The following ANKRD6 variants were observed in gnomAD, a reference collection of about 807,000 sequenced individuals.
ANKRD6 encodes the protein ankyrin repeat domain 6.
ANKRD6 carries 56 observed loss-of-function variants against 82.3 expected under a neutral mutation model. The observed-to-expected ratio is 0.68, with a 90% CI of 0.55 to 0.85. ANKRD6 has a LOEUF of 0.85. Among genes scored for constraint, ANKRD6 ranks in the 40% least tolerant of loss-of-function variants. The pLI, the probability that ANKRD6 is intolerant of heterozygous loss-of-function variation, is 0.00. For missense variants in ANKRD6, 852 were observed against 907.6 expected, an observed-to-expected ratio of 0.94 and a Z score of 0.79; for synonymous variants, 347 against 352.1, an observed-to-expected ratio of 0.99 and a Z score of 0.16.
chr6:89,522,019 G>A (rs1052176153), intron 1 of ANKRD6, among the ~76,000 whole-genome samples: 7 of 152,090 alleles, frequency 4.6e-5, no homozygotes, highest in African/African-American at 1.7e-4. Flanking sequence ...GGCCTATGTT[G>A]ACAGTTGAAA....
chr6:89,466,065 A>T (rs1264243298), intron 1 of ANKRD6, among the ~76,000 whole-genome samples: 2 of 152,040 alleles, frequency 1.3e-5, no homozygotes, highest in African/African-American at 2.4e-5. Flanking sequence ...TTTCTTGTAT[A>T]TTTTTTTGTA....
At chr6:89,471,785 G>T (rs1393538372) in intron 1 of ANKRD6, among the ~76,000 whole-genome samples, 2 of 151,680 alleles carry the variant, frequency 1.3e-5, no homozygotes, top group Non-Finnish European at 2.9e-5. Flanking sequence ...TTGTAGTGGG[G>T]TGGCCGAAGG....
At chr6:89,589,387 T>C (rs1343725152) in intron 2 of ANKRD6, among the ~76,000 whole-genome samples, 3 of 152,166 alleles carry the variant, frequency 2.0e-5, no homozygotes, top group Non-Finnish European at 1.5e-5. Context: ...TTTTCTGACA[T>C]AACGCCTTGG....
At chr6:89,627,401 A>G (rs1806078223) in intron 13 of ANKRD6, among the ~76,000 whole-genome samples, 182 bp from the exon 14 acceptor site, 1 of 152,222 alleles carries the variant, frequency 6.6e-6, no homozygotes, top group South Asian at 2.1e-4. Context: ...GCCTCATAGA[A>G]ACATGCTCAA....
chr6:89,548,304 G>T (rs1427360458), intron 1 of ANKRD6, among the ~76,000 whole-genome samples: 1 of 152,070 alleles, frequency 6.6e-6, no homozygotes, highest in African/African-American at 2.4e-5. Flanking sequence ...TTTGTATCTG[G>T]CTTCTTTTAC....
intron 3 of ANKRD6, chr6:89,601,600 A>G (rs1797176628): frequency 6.6e-6 from 1 of 152,228 alleles, no homozygotes; most frequent in African/African-American, 2.4e-5. Flanking sequence ...TAAGAAAGCA[A>G]TTTTGAGTTT....
chr6:89,540,072 T>G (rs1443504569), intron 1 of ANKRD6, among the ~76,000 whole-genome samples: 1 of 152,184 alleles, frequency 6.6e-6, no homozygotes, highest in African/African-American at 2.4e-5. Flanking sequence ...TTAGCTATTA[T>G]AAACAGTGCT....
chr6:89,498,995 C>A (rs1369448481), intron 1 of ANKRD6, among the ~76,000 whole-genome samples: 2 of 152,134 alleles, frequency 1.3e-5, no homozygotes, highest in South Asian at 2.1e-4. Context: ...CTGGAAATCT[C>A]AATGTTCAAT....
chr6:89,552,835 A>G (rs1026115360), intron 1 of ANKRD6, among the ~76,000 whole-genome samples: 2 of 152,172 alleles, frequency 1.3e-5, no homozygotes, highest in Non-Finnish European at 2.9e-5. Flanking sequence ...CATGAAGCGC[A>G]TTCTATGGGT....
At chr6:89,629,479 C>G (rs1806841480) in intron 15 of ANKRD6, 1 of 534,474 alleles carries the variant, frequency 1.9e-6, no homozygotes, top group South Asian at 1.8e-5. Context: ...GAATTGTTGA[C>G]TGGTGATAAC....
At chr6:89,508,266 C>T (rs2127926179) in intron 1 of ANKRD6, among the ~76,000 whole-genome samples, 1 of 152,306 alleles carries the variant, frequency 6.6e-6, no homozygotes, top group South Asian at 2.1e-4. Flanking sequence ...GGGCTGCAGT[C>T]TTCTGTGCTT....
chr6:89,516,470 G>A (rs1781231411), intron 1 of ANKRD6, among the ~76,000 whole-genome samples: 1 of 152,058 alleles, frequency 6.6e-6, no homozygotes, highest in Non-Finnish European at 1.5e-5. Flanking sequence ...AAAATTGTGG[G>A]AGCCAATTCC....
chr6:89,624,699 A>C lies in ANKRD6; in HGVS notation c.1371+8A>C, dbSNP rs1210444740. ...AATAAGACCCAGCACCAAGTATGTC[A>C]TAAGGCCCAGCTTCCTAATTGCAAG... On this transcript the variant is annotated splice_region_variant and intron_variant, in intron 13 of 15. Coordinates refer to ENST00000339746, the MANE Select transcript of ANKRD6 (RefSeq NM_001242809.2). The C allele has an allele frequency of 3.7e-6, 6 of 1,603,246 alleles. No homozygotes were observed. The South Asian group carries it at 5.6e-5, about 15-fold the overall frequency.
rs9444697 is a variant in ANKRD6, at chr6:89,558,154, G to A, written c.-143-8680G>A. 4.7e-3 allele frequency among the ~76,000 whole-genome samples: 710 copies of A among 152,292 alleles called. 5 individuals carry two copies. Among genetic ancestry groups the A allele is most frequent in the African/African-American group, 0.016 (683 of 41,552 alleles). On this transcript the variant is annotated intron_variant, in intron 1 of 15. Transcript: ENST00000339746. The stretch of plus-strand genomic sequence containing the variant: ...TTGAGGACTGCTGTGTTAGAAGACA[G>A]TATAGACATTTCTTACAAAGCTAAA...
chr6:89,498,667 A>G (rs1469941552), intron 1 of ANKRD6, among the ~76,000 whole-genome samples: 3 of 152,224 alleles, frequency 2.0e-5, no homozygotes, highest in South Asian at 4.1e-4. Flanking sequence ...GAACACGGAT[A>G]ATTTCAAATT....
intron 1 of ANKRD6, among the ~76,000 whole-genome samples, chr6:89,435,098 T>C (rs1193678162): frequency 6.6e-6 from 1 of 152,182 alleles, no homozygotes. Context: ...ATGCTCCATG[T>C]AAAAGCAGAC....
At chr6:89,594,789 C>A (rs1795550063) in intron 2 of ANKRD6, among the ~76,000 whole-genome samples, 1 of 152,148 alleles carries the variant, frequency 6.6e-6, no homozygotes, top group Admixed American at 6.5e-5. Context: ...GTTGCCCAGG[C>A]TGAAGTGCAG....
At chr6:89,492,130 G>A (rs2127845318) in intron 1 of ANKRD6, among the ~76,000 whole-genome samples, 1 of 152,352 alleles carries the variant, frequency 6.6e-6, no homozygotes, top group East Asian at 1.9e-4. Flanking sequence ...CCTCAGCCAT[G>A]AACCTAGCAT....
At chr6:89,471,295 G>A (rs79798290) in intron 1 of ANKRD6, among the ~76,000 whole-genome samples, 8,991 of 149,916 alleles carry the variant, frequency 0.06, 288 homozygotes, top group South Asian at 0.13. Flanking sequence ...GAGGTTGCCT[G>A]GATTGCACCA....
Sources: gnomAD v4.1 joint callset for allele counts (sites outside exome capture counted in the v4.1 genomes callset) on GRCh38, gnomAD v4.1.1 for gene constraint, MANE v1.5 for transcripts, NCBI Gene and HGNC (gene_info 2026-07-23, HGNC 2026-07-21) for gene names.